PAG1: variants seen among roughly 807,000 people sequenced by gnomAD.
The protein encoded by PAG1 is phosphoprotein membrane anchor with glycosphingolipid microdomains 1.
PAG1 carries 23 observed loss-of-function variants against 31.7 expected under a neutral mutation model. The ratio of observed to expected loss-of-function variants is 0.73; its 90% confidence interval spans 0.52 to 1.03. The LOEUF is 1.03. PAG1 is among the 50% of genes least tolerant of loss of function. The pLI, the probability that PAG1 is intolerant of heterozygous loss-of-function variation, is 0.00. For missense variants in PAG1, 473 were observed against 540.7 expected, an observed-to-expected ratio of 0.87 and a Z score of 1.24; for synonymous variants, 214 against 210.3, an observed-to-expected ratio of 1.02 and a Z score of -0.15.
intron 3 of PAG1, among the ~76,000 whole-genome samples, chr8:81,029,345 GTCTC>G (rs71918703): frequency 0.057 from 8,583 of 149,368 alleles, 242 homozygotes; most frequent in East Asian, 0.094. Context: ...TCCTTCTTTG[GTCTC>G]TCTCTCTCTC....
At chr8:81,029,124 C>T (rs551676747) in intron 3 of PAG1, among the ~76,000 whole-genome samples, 1 of 152,170 alleles carries the variant, frequency 6.6e-6, no homozygotes, top group Non-Finnish European at 1.5e-5. Flanking sequence ...TAAAACAAGA[C>T]AGCTTTTAGC....
chr8:81,061,329 T>C (rs1354978341), intron 2 of PAG1, among the ~76,000 whole-genome samples: 1 of 152,234 alleles, frequency 6.6e-6, no homozygotes, highest in Non-Finnish European at 1.5e-5. Context: ...GACTTAAATG[T>C]CTACACATTT....
At position 80,972,681 on chromosome 8, in the gene PAG1, C is replaced by T. The variant is rs939320687; in HGVS notation, c.*3863G>A. The T allele has an allele frequency of 6.6e-6, 1 of 152,100 alleles. No homozygotes were observed. The highest frequency in any genetic ancestry group is 2.4e-5 in the African/African-American group (1 of 41,384). 9.4% of individuals were successfully genotyped at this position (152,100 alleles called of 1,614,324 possible). ...TGTATAACAAAACTGTCTTAAAATA[C>T]CACTGTTTTTCAGCCAAGAGAATTA... On this transcript the variant is annotated 3_prime_UTR_variant, in exon 9 of 9. Coordinates refer to ENST00000220597, the MANE Select transcript of PAG1 (RefSeq NM_018440.4).
At chr8:81,025,062 TC>T (rs1485800278) in intron 3 of PAG1, among the ~76,000 whole-genome samples, 1 of 152,192 alleles carries the variant, frequency 6.6e-6, no homozygotes, top group African/African-American at 2.4e-5. Flanking sequence ...CCAATAGCTA[TC>T]AGTTTAAAAA....
chr8:81,091,359 C>T (rs966961284), intron 1 of PAG1, among the ~76,000 whole-genome samples: 1 of 152,120 alleles, frequency 6.6e-6, no homozygotes. Flanking sequence ...CAATTCTTTT[C>T]TCCTATGATC....
intron 1 of PAG1, among the ~76,000 whole-genome samples, chr8:81,088,911 T>C (rs1000108660): frequency 6.6e-6 from 1 of 152,242 alleles, no homozygotes; most frequent in Non-Finnish European, 1.5e-5. Flanking sequence ...TTGTCAATAA[T>C]AGCTGATCTA....
At position 80,971,235 on chromosome 8, in the gene PAG1, C is replaced by A. The variant is rs1807071129; in HGVS notation, c.*5309G>T. On this transcript the variant is annotated 3_prime_UTR_variant, in exon 9 of 9. Transcript: ENST00000220597. ...TTTGAAACAATCAATGAAAATGCTA[C>A]TAAGTGTCATGAATTATTTTTTAAT... 1 of 152,174 alleles carries A rather than the reference C, an allele frequency of 6.6e-6. No homozygotes were observed. The highest frequency in any genetic ancestry group is 2.4e-5 in the African/African-American group (1 of 41,456). 9.4% of individuals were successfully genotyped at this position (152,174 alleles called of 1,614,324 possible).
At chr8:81,027,497 T>C (rs1808302035) in intron 3 of PAG1, among the ~76,000 whole-genome samples, 1 of 152,232 alleles carries the variant, frequency 6.6e-6, no homozygotes, top group Non-Finnish European at 1.5e-5. Context: ...AAAAGGGATT[T>C]GCAATAATCC....
chr8:80,975,580 T>C lies in PAG1; in HGVS notation c.*964A>G, dbSNP rs778614907. 14 of 152,184 alleles carry C rather than the reference T, an allele frequency of 9.2e-5. No homozygotes were observed. The highest frequency in any genetic ancestry group is 3.1e-4 in the African/African-American group (13 of 41,442). 9.4% of individuals were successfully genotyped at this position (152,184 alleles called of 1,614,324 possible). On this transcript the variant is annotated 3_prime_UTR_variant, in exon 9 of 9. Transcript: ENST00000220597. ...CTGTTGGTGTGGGCAGCGGAGACCATGGGAAATACACATTCATGTCCACAG... is the reference window on the plus strand; with the variant it reads ...CTGTTGGTGTGGGCAGCGGAGACCACGGGAAATACACATTCATGTCCACAG...
Position 80,998,595 on chromosome 8 carries a change from G to GAAA in PAG1, c.-80-5291_-80-5289dup, listed in dbSNP as rs35503088. ...GCCACCAAAATCAATTCCAACAGGA[G>GAAA]AAAAAAAAAACCACACAAATTAATG... is the stretch of plus-strand genomic sequence containing the variant. On this transcript the variant is annotated intron_variant, in intron 3 of 8. Coordinates refer to ENST00000220597, the MANE Select transcript of PAG1 (RefSeq NM_018440.4). Among the ~76,000 whole-genome samples, 270 of 138,312 alleles carry GAAA rather than the reference G, an allele frequency of 2.0e-3. 1 individual carries two copies. The highest frequency in any genetic ancestry group is 4.7e-3 in the South Asian group (21 of 4,460). 90.7% of individuals were successfully genotyped at this position (138,312 alleles called of 152,430 possible). A position where few individuals can be genotyped will look rare whatever the true frequency, so the allele number is the denominator to read the frequency against.
chr8:81,027,159 C>T (rs796713501), intron 3 of PAG1, among the ~76,000 whole-genome samples: 59 of 152,154 alleles, frequency 3.9e-4, no homozygotes, highest in African/African-American at 1.4e-3. Flanking sequence ...TACAGGCATG[C>T]ACCACCATGC....
chr8:80,984,803 G>A lies in PAG1; in HGVS notation c.849C>T (p.Ala283=), dbSNP rs1807379431. ...EKEGGEAEES[A]TDTTSETNKR... is the part of the protein sequence containing the mutation. The stretch of plus-strand genomic sequence containing the variant: ...TGTTAGTTTCACTGGTCGTGTCTGT[G>A]GCACTCTCTTCCGCCTCTCCCCCTT... The change falls in exon 7 of 9, where the codon GCC becomes GCT. Residue 283 remains alanine, a synonymous_variant. Transcript: ENST00000220597. The A allele has an allele frequency of 2.5e-6, 4 of 1,613,922 alleles. No homozygotes were observed. The highest frequency in any genetic ancestry group is 3.4e-6 in the Non-Finnish European group (4 of 1,179,900).
At chr8:81,040,076 C>A (rs1165239749) in intron 2 of PAG1, among the ~76,000 whole-genome samples, 1 of 152,104 alleles carries the variant, frequency 6.6e-6, no homozygotes, top group East Asian at 1.9e-4. Flanking sequence ...TTCTTAGACT[C>A]CCCTCTTGGT....
Position 81,007,886 on chromosome 8 carries a change from C to T in PAG1, c.-80-14579G>A, listed in dbSNP as rs559548758. On this transcript the variant is annotated intron_variant, in intron 3 of 8. Coordinates refer to ENST00000220597, the MANE Select transcript of PAG1 (RefSeq NM_018440.4). ...AGAAATATAACAGTGGAATCTGGTC[C>T]GGGGGAATCACTGTGTGCTTATTTC... Among the ~76,000 whole-genome samples, 9 of 152,140 alleles carry T rather than the reference C, an allele frequency of 5.9e-5. No individual in the cohort carries two copies. In the South Asian group the frequency reaches 1.0e-3, roughly 18 times the overall value.
intron 3 of PAG1, among the ~76,000 whole-genome samples, chr8:81,029,576 C>G (rs1808344286): frequency 6.6e-6 from 1 of 152,042 alleles, no homozygotes; most frequent in African/African-American, 2.4e-5. Context: ...CAGGCTTTTC[C>G]CTCTTGTGAC....
At chr8:81,102,738 A>G (rs935756241) in intron 1 of PAG1, among the ~76,000 whole-genome samples, 2 of 152,238 alleles carry the variant, frequency 1.3e-5, no homozygotes, top group Non-Finnish European at 2.9e-5. Flanking sequence ...AAGTTGTAAC[A>G]TTAAACTAAA....
intron 3 of PAG1, among the ~76,000 whole-genome samples, chr8:81,002,593 C>T (rs1469827616): frequency 6.6e-6 from 1 of 152,222 alleles, no homozygotes; most frequent in Non-Finnish European, 1.5e-5. Flanking sequence ...GTCCTGTGGT[C>T]TCTCCCACAC....
chr8:81,085,948 G>A (rs909894053), intron 1 of PAG1, among the ~76,000 whole-genome samples: 39 of 136,136 alleles, frequency 2.9e-4, no homozygotes, highest in African/African-American at 1.0e-3. Context: ...CTTCTAGCAA[G>A]TAGTTACGCT....
intron 1 of PAG1, among the ~76,000 whole-genome samples, chr8:81,076,039 T>C (rs1809171196): frequency 6.6e-6 from 1 of 152,234 alleles, no homozygotes; most frequent in African/African-American, 2.4e-5. Context: ...GATACAGTTA[T>C]AACAAACTGG....
Sources: allele counts gnomAD v4.1 joint callset (sites outside exome capture counted in the v4.1 genomes callset), GRCh38; gene constraint gnomAD v4.1.1; transcripts MANE v1.5; gene names NCBI Gene and HGNC (gene_info 2026-07-23, HGNC 2026-07-21).